Variants in ZNF423 observed in about 807,000 individuals in gnomAD.
ZNF423 encodes the protein Ebf-associated zinc finger protein.
A neutral mutation model predicts 95.8 loss-of-function variants in ZNF423; 12 were observed. The observed-to-expected ratio is 0.13, with a 90% CI of 0.08 to 0.20. The LOEUF (loss-of-function observed/expected upper bound fraction) is 0.20, where lower values mean the gene tolerates loss of function less well. ZNF423 is among the 10% of genes least tolerant of loss of function. ZNF423 has a pLI of 1.00. For missense variants in ZNF423, 1,316 were observed against 1,737.1 expected, an observed-to-expected ratio of 0.76 and a Z score of 4.31; for synonymous variants, 749 against 711.9, an observed-to-expected ratio of 1.05 and a Z score of -0.83.
intron 1 of ZNF423, among the ~76,000 whole-genome samples, chr16:49,842,682 GA>G (rs2035203288): frequency 6.6e-6 from 1 of 151,962 alleles, no homozygotes; most frequent in Non-Finnish European, 1.5e-5. Context: ...AAAGAAAACG[GA>G]AAGAGAAAAA....
At chr16:49,763,967 C>G (rs149707229) in intron 2 of ZNF423, among the ~76,000 whole-genome samples, 39 of 152,314 alleles carry the variant, frequency 2.6e-4, no homozygotes, top group Non-Finnish European at 2.8e-4. Flanking sequence ...CTCTGACGGA[C>G]CTTTGTGCAG....
chr16:49,642,389 G>A (rs773595917), intron 3 of ZNF423, among the ~76,000 whole-genome samples: 5 of 152,140 alleles, frequency 3.3e-5, no homozygotes, highest in Non-Finnish European at 5.9e-5. Flanking sequence ...ATCTTAACCT[G>A]CCCGGCACCA....
intron 2 of ZNF423, among the ~76,000 whole-genome samples, chr16:49,765,021 G>A (rs1181317918): frequency 6.6e-6 from 1 of 151,166 alleles, no homozygotes; most frequent in Non-Finnish European, 1.5e-5. Flanking sequence ...ATCTCCCAAA[G>A]TGCTGGGATT....
intron 2 of ZNF423, chr16:49,731,244 T>A: frequency 1.1e-6 from 1 of 875,384 alleles, no homozygotes; most frequent in Non-Finnish European, 1.4e-6. Context: ...CCGTGACCCA[T>A]CGGAGAGGTG....
intron 1 of ZNF423, among the ~76,000 whole-genome samples, chr16:49,803,037 T>A (rs1374791323): frequency 6.6e-6 from 1 of 152,052 alleles, no homozygotes; most frequent in East Asian, 1.9e-4. Context: ...GGAGGATCAC[T>A]TGAGGCCAGG....
At chr16:49,828,582 C>T (rs954057301) in intron 1 of ZNF423, among the ~76,000 whole-genome samples, 3 of 152,234 alleles carry the variant, frequency 2.0e-5, no homozygotes, top group Admixed American at 6.5e-5. Flanking sequence ...TAAACAGCTC[C>T]ACTTTGAGGG....
chr16:49,710,278 A>G (rs921113485), intron 3 of ZNF423, among the ~76,000 whole-genome samples: 5 of 152,004 alleles, frequency 3.3e-5, no homozygotes, highest in Non-Finnish European at 7.4e-5. Flanking sequence ...CTTCTTCCAC[A>G]CTTCCCAGGT....
At chr16:49,715,417 T>G (rs1487934768) in intron 3 of ZNF423, among the ~76,000 whole-genome samples, 1 of 151,810 alleles carries the variant, frequency 6.6e-6, no homozygotes, top group Non-Finnish European at 1.5e-5. Flanking sequence ...GGCCCTGCAG[T>G]GGAATGAGCA....
At chr16:49,736,621 C>T (rs937568433) in intron 2 of ZNF423, among the ~76,000 whole-genome samples, 7 of 152,078 alleles carry the variant, frequency 4.6e-5, no homozygotes, top group African/African-American at 1.7e-4. Flanking sequence ...ACAGTGAGAC[C>T]CCATCTTTAC....
chr16:49,683,686 C>T (rs1990627), intron 3 of ZNF423, among the ~76,000 whole-genome samples: 129,130 of 151,946 alleles, frequency 0.85, 55,033 homozygotes, highest in South Asian at 0.88. Context: ...GTCCGATGCT[C>T]AACACTTGAC....
chr16:49,584,683 A>G (rs2151806976), intron 5 of ZNF423, among the ~76,000 whole-genome samples: 1 of 152,174 alleles, frequency 6.6e-6, no homozygotes, highest in South Asian at 2.1e-4. Flanking sequence ...GTGTCCTCCC[A>G]TGATCTGTCC....
chr16:49,569,095 A>G (rs1186083029), intron 5 of ZNF423, among the ~76,000 whole-genome samples: 1 of 152,036 alleles, frequency 6.6e-6, no homozygotes, highest in East Asian at 1.9e-4. Context: ...CTGGTGACCA[A>G]TCCTGTTTTC....
At chr16:49,748,172 C>T (rs546566918) in intron 2 of ZNF423, among the ~76,000 whole-genome samples, 52 of 152,346 alleles carry the variant, frequency 3.4e-4, no homozygotes, top group Admixed American at 2.0e-3. Flanking sequence ...TAGAACAGTG[C>T]CTGGCACGTA....
chr16:49,516,060 G>A (rs1014686986), intron 7 of ZNF423, among the ~76,000 whole-genome samples: 23 of 152,200 alleles, frequency 1.5e-4, no homozygotes, highest in Non-Finnish European at 2.4e-4. Flanking sequence ...GCGCCCGGAC[G>A]TGGCTCAGAA....
At chr16:49,597,476 T>A (rs774692977) in intron 5 of ZNF423, among the ~76,000 whole-genome samples, 8 of 152,210 alleles carry the variant, frequency 5.3e-5, no homozygotes, top group Admixed American at 1.3e-4. Context: ...ATATTTTGGA[T>A]ATATTGGGTT....
At chr16:49,664,115 C>G (rs2030401933) in intron 3 of ZNF423, 2 of 985,510 alleles carry the variant, frequency 2.0e-6, no homozygotes, top group Admixed American at 6.1e-5. Context: ...ACCAGGGCGT[C>G]CCAGGGCAAA....
intron 5 of ZNF423, among the ~76,000 whole-genome samples, chr16:49,589,509 T>A (rs942301195): frequency 5.9e-5 from 9 of 151,422 alleles, no homozygotes; most frequent in East Asian, 1.9e-4. Flanking sequence ...TTTTTTTTTT[T>A]ATCTAGACGC....
chr16:49,839,308 G>A (rs1012313734), intron 1 of ZNF423, among the ~76,000 whole-genome samples: 20 of 152,204 alleles, frequency 1.3e-4, no homozygotes, highest in African/African-American at 4.1e-4. Context: ...TCAGGCCACA[G>A]CCCTGGCTTG....
chr16:49,557,329 C>T (rs544265319), intron 5 of ZNF423, among the ~76,000 whole-genome samples: 1 of 152,208 alleles, frequency 6.6e-6, no homozygotes, highest in Non-Finnish European at 1.5e-5. Flanking sequence ...GACGCCGCAG[C>T]CCCTGCCCGC....
Sources: gnomAD v4.1 joint callset for allele counts (sites outside exome capture counted in the v4.1 genomes callset) on GRCh38, gnomAD v4.1.1 for gene constraint, MANE v1.5 for transcripts, NCBI Gene and HGNC (gene_info 2026-07-23, HGNC 2026-07-21) for gene names.